Variants in CNTNAP2 observed in about 807,000 individuals in gnomAD.
The protein encoded by CNTNAP2 is contactin-associated protein-like 2.
In CNTNAP2, 98 loss-of-function variants were observed where a neutral mutation model predicts 155.2. That is an observed-to-expected ratio of 0.63 (90% CI 0.54 to 0.75). The LOEUF (loss-of-function observed/expected upper bound fraction) is 0.75. Among genes scored for constraint, CNTNAP2 ranks in the 30% least tolerant of loss-of-function variants. The pLI, the probability that CNTNAP2 is intolerant of heterozygous loss-of-function variation, is 0.00. For synonymous variants in CNTNAP2, 651 were observed against 631.2 expected, an observed-to-expected ratio of 1.03 and a Z score of -0.47; for missense variants, 1,727 against 1,688.1, an observed-to-expected ratio of 1.02 and a Z score of -0.40.
intron 13 of CNTNAP2, among the ~76,000 whole-genome samples, chr7:147,862,402 A>G (rs1584997175): frequency 3.9e-5 from 1 of 25,366 alleles, no homozygotes; most frequent in Non-Finnish European, 8.5e-5. Context: ...AATTTCCTAT[A>G]ACATGCATCT....
chr7:148,345,208 G>A (rs756686162), intron 21 of CNTNAP2, among the ~76,000 whole-genome samples: 1 of 152,156 alleles, frequency 6.6e-6, no homozygotes, highest in Non-Finnish European at 1.5e-5. Context: ...GCATGTGTGT[G>A]CTGAGTGCTA....
chr7:147,129,179 G>A (rs952242679), intron 7 of CNTNAP2, among the ~76,000 whole-genome samples: 2 of 152,122 alleles, frequency 1.3e-5, no homozygotes, highest in African/African-American at 4.8e-5. Flanking sequence ...CATCACATGT[G>A]CTCTAAGTTA....
intron 21 of CNTNAP2, among the ~76,000 whole-genome samples, chr7:148,278,806 G>A (rs945774231): frequency 6.6e-6 from 1 of 152,190 alleles, no homozygotes; most frequent in African/African-American, 2.4e-5. Flanking sequence ...AGGCTTAGCA[G>A]GAAAGCATGT....
At chr7:147,177,568 C>A (rs1308667415) in intron 8 of CNTNAP2, among the ~76,000 whole-genome samples, 2 of 152,174 alleles carry the variant, frequency 1.3e-5, no homozygotes, top group Non-Finnish European at 2.9e-5. Context: ...CTTCTAGCTT[C>A]TGTAGTCAAT....
At chr7:147,364,127 G>T (rs1482427894) in intron 9 of CNTNAP2, among the ~76,000 whole-genome samples, 1 of 152,158 alleles carries the variant, frequency 6.6e-6, no homozygotes, top group Non-Finnish European at 1.5e-5. Flanking sequence ...AAATAATCAT[G>T]TTGAGAGCTT....
At position 148,229,660 on chromosome 7, in the gene CNTNAP2, C is replaced by G. The variant is rs766777011; in HGVS notation, c.3262C>G (p.Arg1088Gly). Reference sequence around the variant, plus strand: ...TTCTTCTATAGGAAGCTTACAGATTCGATACAACCTGGGTGGCACCCGAGA... The same window carrying G: ...TTCTTCTATAGGAAGCTTACAGATTGGATACAACCTGGGTGGCACCCGAGA... ...LVKPTGSLQI[R>G]YNLGGTREPY... The change falls in exon 20 of 24, where the codon CGA (arginine) becomes GGA (glycine). Residue 1088 changes from arginine to glycine, a missense_variant. Coordinates refer to ENST00000361727, the MANE Select transcript of CNTNAP2 (RefSeq NM_014141.6). The G allele has an allele frequency of 1.9e-6, 3 of 1,613,950 alleles. No homozygotes were observed. In the Admixed American group the frequency reaches 5.0e-5, roughly 27 times the overall value.
At chr7:147,700,390 G>T (rs1273721055) in intron 13 of CNTNAP2, among the ~76,000 whole-genome samples, 1 of 152,118 alleles carries the variant, frequency 6.6e-6, no homozygotes, top group East Asian at 1.9e-4. Flanking sequence ...GGTGACCCAG[G>T]TGCGTGTAAC....
intron 12 of CNTNAP2, among the ~76,000 whole-genome samples, chr7:147,593,205 T>G (rs1347758527): frequency 7.0e-6 from 1 of 141,876 alleles, no homozygotes; most frequent in Non-Finnish European, 1.6e-5. Flanking sequence ...TCTTAAGACC[T>G]TCCCTTATTT....
In CNTNAP2 at chr7:146,343,087, T is replaced by G. The variant is rs182711200; in HGVS notation, c.97+226114T>G. 3.9e-3 allele frequency among the ~76,000 whole-genome samples: 594 copies of G among 152,124 alleles called. 5 individuals are homozygous for G. The highest frequency in any genetic ancestry group is 0.012 in the African/African-American group (513 of 41,438). On this transcript the variant is annotated intron_variant, in intron 1 of 23. Coordinates refer to ENST00000361727, the MANE Select transcript of CNTNAP2 (RefSeq NM_014141.6). Reference sequence around the variant, plus strand: ...TGTTTGGTAAAGAAGGTTGTTTTTTTTTTGTTTGTTTTTTGTTTTCTGCTC... The same window carrying G: ...TGTTTGGTAAAGAAGGTTGTTTTTTGTTTGTTTGTTTTTTGTTTTCTGCTC...
intron 8 of CNTNAP2, among the ~76,000 whole-genome samples, chr7:147,192,148 T>C (rs1802692047): frequency 6.6e-6 from 1 of 152,198 alleles, no homozygotes. Context: ...AGCAAGACTC[T>C]CAACACCAGC....
intron 9 of CNTNAP2, among the ~76,000 whole-genome samples, chr7:147,376,643 A>G (rs186624827): frequency 2.6e-5 from 4 of 151,972 alleles, no homozygotes; most frequent in African/African-American, 9.6e-5. Context: ...GTGTTATTCT[A>G]TGCTCAATAA....
chr7:147,347,040 T>A (rs1298253366), intron 9 of CNTNAP2, among the ~76,000 whole-genome samples: 1 of 152,178 alleles, frequency 6.6e-6, no homozygotes, highest in Non-Finnish European at 1.5e-5. Flanking sequence ...AATTCCTACA[T>A]GGAGGAGCCT....
At chr7:148,167,863 G>A (rs899005770) in intron 17 of CNTNAP2, among the ~76,000 whole-genome samples, 10 of 152,104 alleles carry the variant, frequency 6.6e-5, no homozygotes, top group African/African-American at 1.9e-4. Flanking sequence ...CAAGACAGAA[G>A]CAGAGGGAGA....
intron 12 of CNTNAP2, among the ~76,000 whole-genome samples, chr7:147,602,660 C>T (rs1282067416): frequency 2.0e-5 from 3 of 150,892 alleles, no homozygotes; most frequent in Non-Finnish European, 2.9e-5. Flanking sequence ...CCACAACAGG[C>T]CCCAGAGTGT....
intron 9 of CNTNAP2, among the ~76,000 whole-genome samples, chr7:147,325,145 A>C (rs1584874083): frequency 6.6e-6 from 1 of 152,182 alleles, no homozygotes; most frequent in South Asian, 2.1e-4. Flanking sequence ...CTAAAAATAC[A>C]AAAAATTAGC....
chr7:146,193,011 C>T (rs530526379), intron 1 of CNTNAP2, among the ~76,000 whole-genome samples: 2 of 152,310 alleles, frequency 1.3e-5, no homozygotes, highest in South Asian at 2.1e-4. Context: ...GCAGTCAAAT[C>T]TTAAAGCTCC....
chr7:147,113,541 T>C (rs941544533), intron 5 of CNTNAP2, among the ~76,000 whole-genome samples: 5 of 151,954 alleles, frequency 3.3e-5, no homozygotes, highest in Admixed American at 1.3e-4. Context: ...AAACACATCC[T>C]TCTTCACATG....
chr7:147,035,854 A>G (rs542466832), intron 3 of CNTNAP2, among the ~76,000 whole-genome samples: 1 of 126,554 alleles, frequency 7.9e-6, no homozygotes, highest in Admixed American at 7.2e-5. Flanking sequence ...AAACCCCATA[A>G]TAGTAAATTT....
intron 1 of CNTNAP2, among the ~76,000 whole-genome samples, chr7:146,601,961 T>C (rs906963570): frequency 1.3e-5 from 2 of 151,842 alleles, no homozygotes; most frequent in African/African-American, 4.8e-5. Flanking sequence ...AAAAAATAAA[T>C]AAATAAAGAT....
Sources: allele counts gnomAD v4.1 joint callset (sites outside exome capture counted in the v4.1 genomes callset), GRCh38; gene constraint gnomAD v4.1.1; transcripts MANE v1.5; gene names NCBI Gene and HGNC (gene_info 2026-07-23, HGNC 2026-07-21).